Variants in CALN1 observed in about 807,000 individuals in gnomAD.
CALN1 encodes calneuron 1, also known as calcium-binding protein 8.
A neutral mutation model predicts 30.6 loss-of-function variants in CALN1; 17 were observed. The observed-to-expected ratio is 0.56, with a 90% CI of 0.38 to 0.83. The LOEUF is 0.83. CALN1 is among the 40% of genes least tolerant of loss of function. CALN1 has a pLI of 0.00. For missense variants in CALN1, 291 were observed against 354.9 expected (o/e 0.82, Z 1.45); for synonymous variants, 156 against 131.4 (o/e 1.19, Z -1.28).
At chr7:72,280,994 A>G (rs1277573068) in intron 2 of CALN1, among the ~76,000 whole-genome samples, 1 of 152,070 alleles carries the variant, frequency 6.6e-6, no homozygotes, top group African/African-American at 2.4e-5. Context: ...AATACAAAAA[A>G]TTAGCTGGAC....
intron 5 of CALN1, among the ~76,000 whole-genome samples, chr7:71,816,624 C>G (rs550727773): frequency 6.6e-6 from 1 of 151,940 alleles, no homozygotes; most frequent in Admixed American, 6.6e-5. Flanking sequence ...TCAGGAGCAA[C>G]GAGAAGAGAA....
chr7:72,348,400 G>A (rs904413909), intron 2 of CALN1, among the ~76,000 whole-genome samples: 4 of 152,198 alleles, frequency 2.6e-5, no homozygotes, highest in African/African-American at 9.6e-5. Flanking sequence ...ACTAAATTGA[G>A]GGATCAGAGT....
intron 4 of CALN1, among the ~76,000 whole-genome samples, chr7:72,041,778 G>A (rs181651065): frequency 7.2e-5 from 11 of 152,248 alleles, no homozygotes; most frequent in South Asian, 2.1e-4. Flanking sequence ...GGTCTTTCTC[G>A]TGCTGTTCTC....
intron 5 of CALN1, among the ~76,000 whole-genome samples, chr7:71,983,135 C>T (rs1360909742): frequency 6.6e-6 from 1 of 152,138 alleles, no homozygotes; most frequent in East Asian, 1.9e-4. Context: ...CAGTCTGCTG[C>T]CAGCTGGGAG....
chr7:71,849,296 C>T (rs2023988), intron 5 of CALN1, among the ~76,000 whole-genome samples: 85,562 of 152,020 alleles, frequency 0.56, 25,921 homozygotes, highest in East Asian at 0.86. Context: ...TAAATTCCCA[C>T]GTAGACCTGG....
At chr7:72,174,595 TAAC>T (rs1205574719) in intron 3 of CALN1, among the ~76,000 whole-genome samples, 1 of 152,058 alleles carries the variant, frequency 6.6e-6, no homozygotes, top group African/African-American at 2.4e-5. Flanking sequence ...TACAGATACA[TAAC>T]AACACAGATG....
chr7:72,076,031 T>C (rs1258295545), intron 4 of CALN1, among the ~76,000 whole-genome samples: 1 of 152,086 alleles, frequency 6.6e-6, no homozygotes, highest in Non-Finnish European at 1.5e-5. Flanking sequence ...ATTCCATAAA[T>C]ACTTCTTGAG....
chr7:71,946,530 G>A (rs572973497), intron 5 of CALN1, among the ~76,000 whole-genome samples: 1 of 152,084 alleles, frequency 6.6e-6, no homozygotes, highest in Admixed American at 6.6e-5. Flanking sequence ...AACAGACTCA[G>A]CTAATTTCTT....
intron 2 of CALN1, among the ~76,000 whole-genome samples, chr7:72,351,064 C>T (rs1410372054): frequency 6.6e-6 from 1 of 152,122 alleles, no homozygotes; most frequent in African/African-American, 2.4e-5. Flanking sequence ...TCACTGGAAC[C>T]CGGGAGGTGG....
intron 3 of CALN1, among the ~76,000 whole-genome samples, chr7:72,130,939 C>T (rs1809100339): frequency 1.3e-5 from 2 of 152,132 alleles, no homozygotes. Flanking sequence ...AATCAAAGAG[C>T]TTGTCTCAAT....
chr7:72,426,213 C>T (rs1293612202), intron 1 of CALN1, among the ~76,000 whole-genome samples: 1 of 152,238 alleles, frequency 6.6e-6, no homozygotes, highest in Non-Finnish European at 1.5e-5. Flanking sequence ...AGGCCCAGCC[C>T]AGCCCAAGGC....
Position 72,326,773 on chromosome 7 carries a change from A to G in CALN1, c.120-47963T>C, listed in dbSNP as rs145145671. The stretch of plus-strand genomic sequence containing the variant: ...TTTACAAAAATAAATTCGGTTTCCA[A>G]TAACAAGGAGCCACAGCTGAGTGTA... On this transcript the variant is annotated intron_variant, in intron 2 of 6. Transcript: ENST00000395275. Among the ~76,000 whole-genome samples the G allele has an allele frequency of 3.1e-3, 468 of 152,302 alleles. 2 individuals carry two copies. Among genetic ancestry groups the G allele is most frequent in the African/African-American group, 9.6e-3 (399 of 41,568 alleles).
chr7:72,162,681 G>A (rs1331028865), intron 3 of CALN1, among the ~76,000 whole-genome samples: 1 of 152,184 alleles, frequency 6.6e-6, no homozygotes, highest in African/African-American at 2.4e-5. Flanking sequence ...AGAGATTGCA[G>A]TGAGCCAAGA....
intron 4 of CALN1, among the ~76,000 whole-genome samples, chr7:72,086,393 A>G (rs549017133): frequency 6.6e-5 from 10 of 152,284 alleles, no homozygotes; most frequent in South Asian, 2.1e-4. Flanking sequence ...CTGAAAATGG[A>G]AAGAAAATGA....
chr7:72,150,867 G>GAT (rs1563101243), intron 3 of CALN1, among the ~76,000 whole-genome samples: 3 of 127,980 alleles, frequency 2.3e-5, no homozygotes, highest in Non-Finnish European at 3.6e-5. Context: ...TATTTGCTGT[G>GAT]ATGATATGAT....
the CALN1 span, among the ~76,000 whole-genome samples, chr7:72,499,761 A>T: frequency 6.7e-6 from 1 of 148,926 alleles, no homozygotes; most frequent in African/African-American, 2.5e-5. Context: ...ATACTTCCGC[A>T]AAACTTTCTT....
intron 5 of CALN1, among the ~76,000 whole-genome samples, chr7:71,892,626 A>C (rs183027252): frequency 0.018 from 2,662 of 147,664 alleles, 29 homozygotes; most frequent in Non-Finnish European, 0.029. Context: ...ATTTCCCCCC[A>C]AAAAAAATCC....
intron 1 of CALN1, among the ~76,000 whole-genome samples, chr7:72,408,569 A>T (rs1215495632): frequency 6.6e-6 from 1 of 151,890 alleles, no homozygotes; most frequent in African/African-American, 2.4e-5. Context: ...CATCATGGAT[A>T]ATTTTTTGTA....
In CALN1 at chr7:72,125,666, C is replaced by A. The variant is rs994943177; in HGVS notation, c.245-19372G>T. On this transcript the variant is annotated intron_variant, in intron 3 of 6. Coordinates refer to ENST00000395275, the MANE Select transcript of CALN1 (RefSeq NM_031468.4). ...GTGGGTTTTGTTACATGGATAAGTT[C>A]TTTAGTGGTGATTTCTGAGATCTCT... Among the ~76,000 whole-genome samples the A allele has an allele frequency of 2.6e-5, 4 of 151,944 alleles. No homozygotes were observed. The South Asian group carries it at 8.3e-4, about 31-fold the overall frequency.
Sources: gnomAD v4.1 joint callset for allele counts (sites outside exome capture counted in the v4.1 genomes callset) on GRCh38, gnomAD v4.1.1 for gene constraint, MANE v1.5 for transcripts, NCBI Gene and HGNC (gene_info 2026-07-23, HGNC 2026-07-21) for gene names.